ADAM10: variants seen among roughly 807,000 people sequenced by gnomAD.
The protein encoded by ADAM10 is disintegrin and metalloproteinase domain-containing protein 10.
A neutral mutation model predicts 90.1 loss-of-function variants in ADAM10; 17 were observed. The ratio of observed to expected loss-of-function variants is 0.19; its 90% CI spans 0.13 to 0.28. The LOEUF is 0.28. ADAM10 is among the 10% of genes least tolerant of loss of function. ADAM10 has a pLI of 1.00. For missense variants in ADAM10, 610 were observed against 914.3 expected, an observed-to-expected ratio of 0.67 and a Z score of 4.29; for synonymous variants, 310 against 298.6, an observed-to-expected ratio of 1.04 and a Z score of -0.40.
intron 5 of ADAM10, among the ~76,000 whole-genome samples, chr15:58,662,707 T>C (rs1297359459): frequency 6.6e-6 from 1 of 152,196 alleles, no homozygotes; most frequent in Non-Finnish European, 1.5e-5. Flanking sequence ...CTTTGTCTCA[T>C]GGTTTTCTCA....
At chr15:58,684,298 T>C (rs1188352838) in intron 2 of ADAM10, among the ~76,000 whole-genome samples, 2 of 152,170 alleles carry the variant, frequency 1.3e-5, no homozygotes, top group Non-Finnish European at 2.9e-5. Context: ...ATATCCTCAG[T>C]GATAGGTGTC....
intron 5 of ADAM10, among the ~76,000 whole-genome samples, chr15:58,649,822 A>T (rs752010292): frequency 1.3e-5 from 2 of 152,104 alleles, no homozygotes; most frequent in Non-Finnish European, 2.9e-5. Context: ...GTGTTGTTTG[A>T]TATCTCTCTG....
chr15:58,735,736 G>A (rs1412543465), intron 1 of ADAM10, among the ~76,000 whole-genome samples: 1 of 152,088 alleles, frequency 6.6e-6, no homozygotes, highest in Non-Finnish European at 1.5e-5. Context: ...GACACAGAGG[G>A]TCAACTGGTA....
At chr15:58,609,823 A>G (rs1895386514) in intron 14 of ADAM10, 1 of 171,350 alleles carries the variant, frequency 5.8e-6, no homozygotes, top group African/African-American at 2.4e-5. Flanking sequence ...CATAATCATT[A>G]GTAGATCTAC....
At chr15:58,701,161 C>T (rs185600834) in intron 2 of ADAM10, among the ~76,000 whole-genome samples, 344 of 150,908 alleles carry the variant, frequency 2.3e-3, no homozygotes, top group Non-Finnish European at 3.1e-3. Context: ...ACAGAAATAG[C>T]CTGTTGAATA....
At chr15:58,705,731 G>C (rs1229681263) in intron 2 of ADAM10, among the ~76,000 whole-genome samples, 1 of 152,170 alleles carries the variant, frequency 6.6e-6, no homozygotes, top group Non-Finnish European at 1.5e-5. Flanking sequence ...CTATAGGTTA[G>C]AATAGTTAGA....
intron 2 of ADAM10, among the ~76,000 whole-genome samples, chr15:58,713,187 A>G (rs1486980342): frequency 6.6e-6 from 1 of 152,072 alleles, no homozygotes; most frequent in Non-Finnish European, 1.5e-5. Flanking sequence ...GGCAGCCTCA[A>G]CCTTCCTAGA....
chr15:58,668,179 A>G (rs141608651), intron 4 of ADAM10, among the ~76,000 whole-genome samples: 257 of 152,272 alleles, frequency 1.7e-3, no homozygotes, highest in African/African-American at 5.8e-3. Flanking sequence ...ACTAGACTCT[A>G]AAGTGTTTAA....
intron 2 of ADAM10, among the ~76,000 whole-genome samples, chr15:58,690,326 A>G (rs1819166763): frequency 6.6e-6 from 1 of 152,202 alleles, no homozygotes; most frequent in Non-Finnish European, 1.5e-5. Flanking sequence ...ATTGGGAAGA[A>G]GGTAAAGATA....
intron 5 of ADAM10, among the ~76,000 whole-genome samples, chr15:58,648,929 T>A (rs1289799097): frequency 1.3e-5 from 2 of 152,150 alleles, no homozygotes; most frequent in East Asian, 3.8e-4. Context: ...TGTGCTGTTT[T>A]ACTTTCCATC....
chr15:58,676,207 T>A, intron 4 of ADAM10: 1 of 435,290 alleles, frequency 2.3e-6, no homozygotes, highest in Non-Finnish European at 4.6e-6. Context: ...CTTTCTTCCA[T>A]GAGTGAAGCA....
chr15:58,743,194 G>A (rs1009325119), intron 1 of ADAM10, among the ~76,000 whole-genome samples: 6 of 152,064 alleles, frequency 3.9e-5, no homozygotes, highest in Non-Finnish European at 5.9e-5. Context: ...TTTGGGCTTC[G>A]GTGGCGGGGG....
rs1894830174 is a variant in ADAM10, at chr15:58,591,836, A to T, written c.*5711T>A. On this transcript the variant is annotated 3_prime_UTR_variant, in exon 16 of 16. Transcript: ENST00000260408. Reference sequence around the variant, plus strand: ...AATACCATTATCACACCTAAAAATAATTAAAAACCTTAATATCAAATATCC... The same window carrying T: ...AATACCATTATCACACCTAAAAATATTTAAAAACCTTAATATCAAATATCC... 1 of 152,248 alleles carries T rather than the reference A, an allele frequency of 6.6e-6. No individual in the cohort carries two copies. The highest frequency in any genetic ancestry group is 6.5e-5 in the Admixed American group (1 of 15,282). 9.4% of individuals were successfully genotyped at this position (152,248 alleles called of 1,614,324 possible).
chr15:58,745,002 G>A (rs1181539704), intron 1 of ADAM10, among the ~76,000 whole-genome samples: 2 of 152,228 alleles, frequency 1.3e-5, no homozygotes, highest in South Asian at 2.1e-4. Flanking sequence ...GGCCAATATG[G>A]TGAAACCCCG....
intron 12 of ADAM10, 121 bp downstream of exon 12, chr15:58,611,687 A>C: frequency 1.1e-6 from 1 of 908,822 alleles, no homozygotes; most frequent in Non-Finnish European, 1.7e-6. Context: ...TTTGTGAGGG[A>C]ATATTACTTA....
intron 1 of ADAM10, among the ~76,000 whole-genome samples, chr15:58,725,521 G>A (rs1194611901): frequency 1.3e-5 from 2 of 151,472 alleles, no homozygotes; most frequent in Non-Finnish European, 2.9e-5. Flanking sequence ...CAGCAACAAA[G>A]TGAGACCCTG....
rs1275717638 is a variant in ADAM10, at chr15:58,599,682, T to C, written c.2068A>G (p.Met690Val). 5 of 1,613,306 alleles carry C rather than the reference T, an allele frequency of 3.1e-6. No individual in the cohort carries two copies. Among genetic ancestry groups the C allele is most frequent in the Non-Finnish European group, 3.4e-6 (4 of 1,179,758 alleles). Residue 690 changes from methionine (M) to valine (V), a missense_variant, in exon 15 of 16, where the codon ATG (methionine) becomes GTG (valine). Met to Val is a conservative substitution (Grantham distance 21, BLOSUM62 1). Around this residue, in one of 4 missense-constraint regions of ADAM10, gnomAD observed 150 missense variants for 268.5 expected, o/e 0.56. Transcript: ENST00000260408. ...AVLLMGIALI[M>V]LMAGFIKICS... ...ATCTTAATAAATCCAGCCATTAGCA[T>C]GATCAGAGCAATTCCCATAAGTAAT... is the stretch of plus-strand genomic sequence containing the variant.
At chr15:58,697,670 G>A (rs186977428) in intron 2 of ADAM10, among the ~76,000 whole-genome samples, 3 of 152,050 alleles carry the variant, frequency 2.0e-5, no homozygotes, top group East Asian at 3.9e-4. Context: ...TGCCACATAC[G>A]CTGCCCAGGA....
intron 2 of ADAM10, among the ~76,000 whole-genome samples, chr15:58,688,766 T>TTATATA (rs780219725): frequency 1.2e-3 from 142 of 121,860 alleles, no homozygotes; most frequent in Admixed American, 1.8e-3. Context: ...AAAAAAAAAA[T>TTATATA]TATATATATA....
Sources: allele counts gnomAD v4.1 joint callset (sites outside exome capture counted in the v4.1 genomes callset), GRCh38; gene constraint gnomAD v4.1.1; regional missense constraint gnomAD v4.1.1; transcripts MANE v1.5; gene names NCBI Gene and HGNC (gene_info 2026-07-23, HGNC 2026-07-21).